Variants in TTBK2 observed in about 807,000 individuals in gnomAD.
The protein encoded by TTBK2 is tau tubulin kinase 2.
Under a neutral mutation model 110.8 loss-of-function variants are expected in TTBK2, and 28 were observed. The observed-to-expected ratio is 0.25, with a 90% CI of 0.19 to 0.35. The LOEUF (loss-of-function observed/expected upper bound fraction) is 0.35, where lower values mean the gene tolerates loss of function less well. TTBK2 is among the 10% of genes least tolerant of loss of function. The pLI is 1.00. For missense variants in TTBK2, 1,369 were observed against 1,500.3 expected (o/e 0.91, Z 1.45); for synonymous variants, 532 against 527.3 (o/e 1.01, Z -0.12).
chr15:42,804,457 AT>A lies in TTBK2; in HGVS notation c.822+6156del, dbSNP rs1891370937. ...ACTCCATCTCAAAAAAAAAAAAAAA[AT>A]CTTAACAACAATGCTGTGAAGTCAG... On this transcript the variant is annotated intron_variant, in intron 9 of 14. Coordinates refer to ENST00000267890, the MANE Select transcript of TTBK2 (RefSeq NM_173500.4). Among the ~76,000 whole-genome samples the A allele has an allele frequency of 3.9e-5, 6 of 152,128 alleles. No homozygotes were observed. The South Asian group carries it at 8.3e-4, about 21-fold the overall frequency.
intron 3 of TTBK2, among the ~76,000 whole-genome samples, chr15:42,844,331 G>A (rs1308889791): frequency 2.0e-5 from 3 of 152,230 alleles, no homozygotes; most frequent in Non-Finnish European, 2.9e-5. Context: ...GGAAGGCTGA[G>A]GTGGGAGGAT....
rs190562828 is a variant in TTBK2, at chr15:42,892,107, A to T, written c.-67-13423T>A. ...CCCAGGTCACAAAACAAATTTTGCA[A>T]ATTTAAAAGAACGGAAATCATACAT... is the stretch of plus-strand genomic sequence containing the variant. On this transcript the variant is annotated intron_variant, in intron 1 of 14. Coordinates refer to ENST00000267890, the MANE Select transcript of TTBK2 (RefSeq NM_173500.4). 7.7e-4 allele frequency among the ~76,000 whole-genome samples: 117 copies of T among 152,332 alleles called. 1 individual carries two copies. The highest frequency in any genetic ancestry group is 2.7e-3 in the African/African-American group (111 of 41,584).
chr15:42,855,310 C>G (rs1893885766), intron 3 of TTBK2: 1 of 152,044 alleles, frequency 6.6e-6, no homozygotes. Context: ...GTGTGTTAGC[C>G]CAATAGCAAT....
At chr15:42,919,419 T>C (rs545187672) in intron 1 of TTBK2, among the ~76,000 whole-genome samples, 3 of 152,326 alleles carry the variant, frequency 2.0e-5, no homozygotes, top group African/African-American at 4.8e-5. Flanking sequence ...AACACATCTT[T>C]GTGTTATACT....
intron 1 of TTBK2, among the ~76,000 whole-genome samples, chr15:42,887,051 G>T (rs1374722173): frequency 6.6e-6 from 1 of 152,106 alleles, no homozygotes; most frequent in Non-Finnish European, 1.5e-5. Context: ...AATCAATACG[G>T]ACGCTACCCA....
At chr15:42,859,542 A>C (rs1480146855) in intron 3 of TTBK2, among the ~76,000 whole-genome samples, 2 of 152,172 alleles carry the variant, frequency 1.3e-5, no homozygotes. Context: ...CACAGTCCAG[A>C]AGTATAGGCA....
rs2061878770 is a variant in TTBK2 at position 42,752,436 on chromosome 15, G to A, written c.2810C>T (p.Ser937Phe). 2 of 1,614,172 alleles carry A rather than the reference G, an allele frequency of 1.2e-6. No homozygotes were observed. The highest frequency in any genetic ancestry group is 1.1e-5 in the South Asian group (1 of 91,084). The change falls in exon 14 of 15, where the codon TCC becomes TTC. Residue 937 changes from serine (S) to phenylalanine (F), a missense_variant. Ser to Phe is a radical substitution (Grantham distance 155, BLOSUM62 -2). Coordinates refer to ENST00000267890, the MANE Select transcript of TTBK2 (RefSeq NM_173500.4). ...GATTCGGCTGTGTCTAGTTACAAAG[G>A]ATGACCTAACCATATCCTTCCGGGT... The part of the protein sequence containing the change: ...APTRKDMVRS[S>F]FVTRHSRIPV...
chr15:42,823,618 G>A (rs1892403075), intron 6 of TTBK2, among the ~76,000 whole-genome samples: 1 of 152,160 alleles, frequency 6.6e-6, no homozygotes, highest in Non-Finnish European at 1.5e-5. Flanking sequence ...TTATGGTGTT[G>A]ATGTCTTAGT....
rs181759830 is a variant in TTBK2, at chr15:42,828,542, C to T, written c.433-510G>A. Among the ~76,000 whole-genome samples the T allele has an allele frequency of 1.8e-3, 271 of 150,522 alleles. 1 individual carries two copies. The highest frequency in any genetic ancestry group is 1.0e-2 in the East Asian group (51 of 5,106). ...CATCCTGACCAACATGGTGAAACCC[C>T]GTTTCTACTAAAAAAAAAAAAAATA... On this transcript the variant is annotated intron_variant, in intron 5 of 14. Coordinates refer to ENST00000267890, the MANE Select transcript of TTBK2 (RefSeq NM_173500.4).
At chr15:42,893,002 C>A in intron 1 of TTBK2, among the ~76,000 whole-genome samples, 1 of 139,282 alleles carries the variant, frequency 7.2e-6, no homozygotes, top group Non-Finnish European at 1.5e-5. Context: ...CAGAGCAAGA[C>A]TCTGTCTCAA....
intron 1 of TTBK2, 91 bp from the exon 2 acceptor site, chr15:42,878,775 C>G: frequency 2.1e-6 from 3 of 1,462,206 alleles, no homozygotes; most frequent in Non-Finnish European, 2.8e-6. Context: ...ACTACTAATA[C>G]TATACACTAA....
intron 7 of TTBK2, among the ~76,000 whole-genome samples, chr15:42,814,862 T>C (rs1891875093): frequency 6.6e-6 from 1 of 152,184 alleles, no homozygotes; most frequent in African/African-American, 2.4e-5. Context: ...TACTATCAAA[T>C]TCCTCTACAA....
intron 1 of TTBK2, among the ~76,000 whole-genome samples, chr15:42,913,637 C>CA (rs558339555): frequency 6.3e-4 from 86 of 136,864 alleles, no homozygotes; most frequent in East Asian, 6.3e-4. Flanking sequence ...GACTCCGTCT[C>CA]AAAAAAAAAA....
chr15:42,793,048 A>G (rs1266385588), intron 10 of TTBK2, among the ~76,000 whole-genome samples: 1 of 152,152 alleles, frequency 6.6e-6, no homozygotes, highest in African/African-American at 2.4e-5. Flanking sequence ...TCTGCCACTA[A>G]TATTTACCTA....
In TTBK2 at chr15:42,797,576, G is replaced by A. The variant is rs79709745; in HGVS notation, c.823-2775C>T. Among the ~76,000 whole-genome samples, 1,263 of 152,266 alleles carry A rather than the reference G, an allele frequency of 8.3e-3. 51 individuals carry two copies. Among genetic ancestry groups the A allele is most frequent in the Admixed American group, 0.065 (988 of 15,296 alleles). On this transcript the variant is annotated intron_variant, in intron 9 of 14. Coordinates refer to ENST00000267890, the MANE Select transcript of TTBK2 (RefSeq NM_173500.4). ...ATCTAGCAAAATAATTTTCTAATTC[G>A]GGAGCAGGGTGGCGCTAAATCCTAA...
intron 1 of TTBK2, among the ~76,000 whole-genome samples, chr15:42,880,804 G>A (rs1431721907): frequency 6.6e-6 from 1 of 151,672 alleles, no homozygotes; most frequent in African/African-American, 2.4e-5. Flanking sequence ...GAATGTTCAA[G>A]AGACAAAAAT....
Position 42,746,123 on chromosome 15 carries a change from T to C in TTBK2, c.3407A>G (p.Asn1136Ser). The change falls in exon 15 of 15, where the codon AAT becomes AGT. Residue 1136 changes from asparagine to serine, a missense_variant. Asn to Ser is a conservative substitution (Grantham distance 46, BLOSUM62 1). This residue lies in a region of TTBK2 where 1,097 missense variants were observed against 1,114.7 expected (regional missense o/e 0.98). Coordinates refer to ENST00000267890, the MANE Select transcript of TTBK2 (RefSeq NM_173500.4). ...TQCKSPGSPHNPKTPPKSPVV... is the reference protein window; with the variant it reads ...TQCKSPGSPHSPKTPPKSPVV... Reference sequence around the variant, plus strand: ...TGGACTCTTGGGTGGTGTTTTTGGATTGTGAGGAGATCCTGGACTCTTGCA... The same window carrying C: ...TGGACTCTTGGGTGGTGTTTTTGGACTGTGAGGAGATCCTGGACTCTTGCA... The C allele has an allele frequency of 6.2e-7, 1 of 1,614,032 alleles. No homozygotes were observed. The highest frequency in any genetic ancestry group is 1.1e-5 in the South Asian group (1 of 91,066).
At chr15:42,775,846 A>C in intron 12 of TTBK2, 123 bp from the exon 13 acceptor site, 1 of 759,260 alleles carries the variant, frequency 1.3e-6, no homozygotes, top group Non-Finnish European at 2.0e-6. Flanking sequence ...ATAAAGCACA[A>C]GGAAAGTTTC....
rs56654483 is a variant in TTBK2 at position 42,810,439 on chromosome 15, C to T, written c.822+175G>A. Among the ~76,000 whole-genome samples the T allele has an allele frequency of 3.4e-3, 518 of 152,280 alleles. 19 individuals carry two copies. In the East Asian group the frequency reaches 0.079, roughly 23 times the overall value. On this transcript the variant is annotated intron_variant, in intron 9 of 14. Coordinates refer to ENST00000267890, the MANE Select transcript of TTBK2 (RefSeq NM_173500.4). Reference sequence around the variant, plus strand: ...ATCCAGAGGGATGAAACACATAACACACACGCTGACACTCTCATCATAAGT... The same window carrying T: ...ATCCAGAGGGATGAAACACATAACATACACGCTGACACTCTCATCATAAGT...
Sources: allele counts gnomAD v4.1 joint callset (sites outside exome capture counted in the v4.1 genomes callset), GRCh38; gene constraint gnomAD v4.1.1; regional missense constraint gnomAD v4.1.1; transcripts MANE v1.5; gene names NCBI Gene and HGNC (gene_info 2026-07-23, HGNC 2026-07-21).